UQCRQ: variants seen among roughly 807,000 people sequenced by gnomAD.
UQCRQ encodes the protein ubiquinol-cytochrome c reductase complex III subunit VII, also known as cytochrome b-c1 complex subunit 8.
UQCRQ carries 9 observed loss-of-function variants against 7.9 expected under a neutral mutation model. The ratio of observed to expected loss-of-function variants is 1.13; its 90% confidence interval spans 0.68 to 1.98. The LOEUF (loss-of-function observed/expected upper bound fraction) is 1.98. Among genes scored for constraint, UQCRQ ranks in the 30% most tolerant of loss-of-function variants. The pLI, the probability that UQCRQ is intolerant of heterozygous loss-of-function variation, is 0.00. For missense variants in UQCRQ, 112 were observed against 109.7 expected (o/e 1.02, Z -0.10); for synonymous variants, 50 against 41.9 (o/e 1.19, Z -0.75).
Position 132,867,520 on chromosome 5 carries a change from G to C in UQCRQ, c.187G>C (p.Gly63Arg). The C allele has an allele frequency of 1.9e-6, 3 of 1,614,040 alleles. No homozygotes were observed. Among genetic ancestry groups the C allele is most frequent in the Non-Finnish European group, 2.5e-6 (3 of 1,179,978 alleles). Reference protein sequence around the residue: ...FVVFYLIYTWGTEEFERSKRK... With the variant: ...FVVFYLIYTWRTEEFERSKRK... ...AGTGTTTTATCTTATCTACACATGG[G>C]GGACTGAAGAGTTCGAGAGATCCAA... The change falls in exon 3 of 3, where the codon GGG becomes CGG. Residue 63 changes from glycine to arginine, a missense_variant. Transcript: ENST00000378670.
intron 2 of UQCRQ, chr5:132,867,275 A>G (rs775460519): frequency 1.6e-5 from 11 of 702,794 alleles, no homozygotes; most frequent in African/African-American, 3.6e-5. Flanking sequence ...TGATTCCAGC[A>G]TGTTCCTCTG....
intron 2 of UQCRQ, 25 bp from the exon 3 acceptor site, chr5:132,867,463 C>G (rs1363269468): frequency 1.9e-6 from 3 of 1,585,134 alleles, no homozygotes; most frequent in Middle Eastern, 1.7e-4. Flanking sequence ...TGTGTGCTCT[C>G]TGTTTACTCT....
Position 132,867,640 on chromosome 5 carries a change from T to G in UQCRQ, c.*58T>G. 1 of 1,407,738 alleles carries G rather than the reference T, an allele frequency of 7.1e-7. No individual in the cohort carries two copies. Among genetic ancestry groups the G allele is most frequent in the Admixed American group, 1.7e-5 (1 of 57,248 alleles). The allele number at this position is 1,407,738 out of a possible 1,614,324, so 87.2% of individuals were successfully genotyped here. On this transcript the variant is annotated 3_prime_UTR_variant, in exon 3 of 3. Coordinates refer to ENST00000378670, the MANE Select transcript of UQCRQ (RefSeq NM_014402.5). Reference sequence around the variant, plus strand: ...GAAAGACCTTTCTCTGGAAGAGGAGTCTGCATTGTAGTGTCTCAAAGACAC... The same window carrying G: ...GAAAGACCTTTCTCTGGAAGAGGAGGCTGCATTGTAGTGTCTCAAAGACAC...
In UQCRQ at chr5:132,868,260, G is replaced by A. The variant is rs55767930; in HGVS notation, c.*678G>A. On this transcript the variant is annotated 3_prime_UTR_variant, in exon 3 of 3. Transcript: ENST00000378670. ...CTCCCAAAGTGCTGGGATTACAGGC[G>A]TAAGCCATGGTGCTCTGGGCCTCAA... Among the ~76,000 whole-genome samples the A allele has an allele frequency of 0.12, 17,576 of 152,286 alleles. 1,287 individuals are homozygous for A. Among genetic ancestry groups the A allele is most frequent in the South Asian group, 0.2 (944 of 4,830 alleles).
chr5:132,867,754 G>GC lies in UQCRQ; in HGVS notation c.*176dup. ...CCACTAATATTCAAGTTCATGAAGC[G>GC]CCCCTCCTCAGCATGAGTCTTGAAG... On this transcript the variant is annotated 3_prime_UTR_variant, in exon 3 of 3. Coordinates refer to ENST00000378670, the MANE Select transcript of UQCRQ (RefSeq NM_014402.5). 1.5e-6 allele frequency: 1 copy of GC among 648,462 alleles called. No individual in the cohort carries two copies. The highest frequency in any genetic ancestry group is 1.6e-5 in the South Asian group (1 of 60,778). 40.2% of individuals were successfully genotyped at this position (648,462 alleles called of 1,614,324 possible).
chr5:132,866,865 G>A lies in UQCRQ; in HGVS notation c.-13-4G>A. Reference sequence around the variant, plus strand: ...CAAGCGCCTGTCCACCCTCGGTCCTGCAGGGCCGCCGCCACAATGGGCCGC... The same window carrying A: ...CAAGCGCCTGTCCACCCTCGGTCCTACAGGGCCGCCGCCACAATGGGCCGC... On this transcript the variant is annotated splice_polypyrimidine_tract_variant and splice_region_variant and intron_variant, in intron 1 of 2. Transcript: ENST00000378670. The A allele has an allele frequency of 6.2e-7, 1 of 1,612,610 alleles. No homozygotes were observed. The highest frequency in any genetic ancestry group is 1.7e-4 in the Middle Eastern group (1 of 5,948).
rs1286956946 is a variant in UQCRQ at position 132,868,217 on chromosome 5, T to C, written c.*635T>C. Among the ~76,000 whole-genome samples, 1 of 152,202 alleles carries C rather than the reference T, an allele frequency of 6.6e-6. No individual in the cohort carries two copies. The highest frequency in any genetic ancestry group is 1.5e-5 in the Non-Finnish European group (1 of 68,030). ...CTGGTCTGGAACTCCTGACCTCAGA[T>C]GATCTGTGCGCCTCAGCCTCCCAAA... On this transcript the variant is annotated 3_prime_UTR_variant, in exon 3 of 3. Transcript: ENST00000378670.
At chr5:132,867,406 G>A in intron 2 of UQCRQ, 82 bp from the exon 3 acceptor site, 1 of 1,089,746 alleles carries the variant, frequency 9.2e-7, no homozygotes, top group African/African-American at 1.6e-5. Flanking sequence ...ATGCTTTAAA[G>A]AAGACAAGAG....
At position 132,867,695 on chromosome 5, in the gene UQCRQ, G is replaced by A; in HGVS notation, c.*113G>A. On this transcript the variant is annotated 3_prime_UTR_variant, in exon 3 of 3. Coordinates refer to ENST00000378670, the MANE Select transcript of UQCRQ (RefSeq NM_014402.5). ...AACTTCCTATGGTCTGCACTGTTGT[G>A]ATATTACATTTTTGTGAGTAGAATC... 1 of 861,466 alleles carries A rather than the reference G, an allele frequency of 1.2e-6. No individual in the cohort carries two copies. Among genetic ancestry groups the A allele is most frequent in the Non-Finnish European group, 1.9e-6 (1 of 524,284 alleles). The allele number at this position is 861,466 out of a possible 1,614,324, so 53.4% of individuals were successfully genotyped here.
chr5:132,866,828 G>A, intron 1 of UQCRQ, 41 bp from the exon 2 acceptor site: 2 of 1,605,408 alleles, frequency 1.2e-6, no homozygotes, highest in South Asian at 2.2e-5. Context: ...GCGGCGCTTC[G>A]CGAAAGCGAG....
At chr5:132,867,217 G>A in intron 2 of UQCRQ, 182 bp downstream of exon 2, 2 of 863,744 alleles carry the variant, frequency 2.3e-6, no homozygotes, top group East Asian at 2.6e-5. Flanking sequence ...TCTTACACGG[G>A]GAAAACTGAG....
At chr5:132,867,119 G>A in intron 2 of UQCRQ, 84 bp downstream of exon 2, 3 of 1,566,582 alleles carry the variant, frequency 1.9e-6, no homozygotes. Flanking sequence ...AGCGCTGGCG[G>A]CCGGGCAGGC....
rs1759670508 is a variant in UQCRQ, at chr5:132,867,591, T to C, written c.*9T>C. 6.2e-7 allele frequency: 1 copy of C among 1,612,080 alleles called. No individual in the cohort carries two copies. Among genetic ancestry groups the C allele is most frequent in the African/African-American group, 1.3e-5 (1 of 74,854 alleles). On this transcript the variant is annotated 3_prime_UTR_variant, in exon 3 of 3. Coordinates refer to ENST00000378670, the MANE Select transcript of UQCRQ (RefSeq NM_014402.5). ...ATGAAAATGACAAATGAGCAACGCA[T>C]CCGGATGACGGTTCCCTGTCTCTGA...
rs1038052231 is a variant in UQCRQ at position 132,868,289 on chromosome 5, C to A, written c.*707C>A. Among the ~76,000 whole-genome samples, 2 of 152,214 alleles carry A rather than the reference C, an allele frequency of 1.3e-5. No individual in the cohort carries two copies. Among genetic ancestry groups the A allele is most frequent in the African/African-American group, 4.8e-5 (2 of 41,464 alleles). The stretch of plus-strand genomic sequence containing the variant: ...GCCATGGTGCTCTGGGCCTCAAATA[C>A]TCTTCTTAGCTACACAAATGAACTG... On this transcript the variant is annotated 3_prime_UTR_variant, in exon 3 of 3. Coordinates refer to ENST00000378670, the MANE Select transcript of UQCRQ (RefSeq NM_014402.5).
rs1025104560 is a variant in UQCRQ at position 132,867,103 on chromosome 5, C to A, written c.154+68C>A. 3 of 1,599,244 alleles carry A rather than the reference C, an allele frequency of 1.9e-6. No homozygotes were observed. The African/African-American group carries it at 4.0e-5, about 21-fold the overall frequency. On this transcript the variant is annotated intron_variant, in intron 2 of 2. Coordinates refer to ENST00000378670, the MANE Select transcript of UQCRQ (RefSeq NM_014402.5). ...CAGCAGCAGCAGTCACTGCGCCTCC[C>A]CTCTGAGCGCTGGCGGCCGGGCAGG...
rs80192278 is a variant in UQCRQ, at chr5:132,867,460, T to G, written c.155-28T>G. 9,466 of 1,575,460 alleles carry G rather than the reference T, an allele frequency of 6.0e-3. 386 individuals are homozygous for G. The East Asian group carries it at 0.12, about 20-fold the overall frequency. ...TCTTCTATATGTCTTATATGTGTGC[T>G]CTCTGTTTACTCTCTTAATTTTTAA... On this transcript the variant is annotated intron_variant, in intron 2 of 2. Coordinates refer to ENST00000378670, the MANE Select transcript of UQCRQ (RefSeq NM_014402.5).
Position 132,868,305 on chromosome 5 carries a change from A to G in UQCRQ, c.*723A>G, listed in dbSNP as rs17166297. On this transcript the variant is annotated 3_prime_UTR_variant, in exon 3 of 3. Transcript: ENST00000378670. ...CCTCAAATACTCTTCTTAGCTACACAAATGAACTGTTAAACCTCACAAGCA... is the reference window on the plus strand; with the variant it reads ...CCTCAAATACTCTTCTTAGCTACACGAATGAACTGTTAAACCTCACAAGCA... Among the ~76,000 whole-genome samples, 31,275 of 152,220 alleles carry G rather than the reference A, an allele frequency of 0.21. 3,501 individuals carry two copies. The highest frequency in any genetic ancestry group is 0.28 in the African/African-American group (11,668 of 41,520).
Position 132,867,528 on chromosome 5 carries a change from A to T in UQCRQ, c.195A>T (p.Glu65Asp). ...VFYLIYTWGT[E>D]EFERSKRKNP... ...ATCTTATCTACACATGGGGGACTGA[A>T]GAGTTCGAGAGATCCAAGAGGAAGA... The change falls in exon 3 of 3, where the codon GAA (glutamate) becomes GAT (aspartate). Residue 65 changes from glutamate (E) to aspartate (D), a missense_variant. Physicochemically the swap from Glu to Asp is conservative, Grantham distance 45 (BLOSUM62 2). Transcript: ENST00000378670. 6.2e-7 allele frequency: 1 copy of T among 1,614,186 alleles called. No individual in the cohort carries two copies. Among genetic ancestry groups the T allele is most frequent in the Non-Finnish European group, 8.5e-7 (1 of 1,180,024 alleles).
In UQCRQ at chr5:132,866,672, G is replaced by A. The variant is rs1416989974; in HGVS notation, c.-29G>A. The A allele has an allele frequency of 1.6e-6, 1 of 627,338 alleles. No individual in the cohort carries two copies. The highest frequency in any genetic ancestry group is 2.8e-5 in the East Asian group (1 of 35,974). The allele number at this position is 627,338 out of a possible 1,614,324, so 38.9% of individuals were successfully genotyped here. On this transcript the variant is annotated 5_prime_UTR_variant, in exon 1 of 3. Transcript: ENST00000378670. ...AGTCAACCGGATCGGTGACTGTGGA[G>A]GGCGAGCTGAGCCCTGTGCGTGAGT...
Sources: gnomAD v4.1 joint callset for allele counts (sites outside exome capture counted in the v4.1 genomes callset) on GRCh38, gnomAD v4.1.1 for gene constraint, MANE v1.5 for transcripts, NCBI Gene and HGNC (gene_info 2026-07-23, HGNC 2026-07-21) for gene names.